Variants in SMG6 observed in about 807,000 individuals in gnomAD.
SMG6 encodes telomerase-binding protein EST1A.
In SMG6, 66 loss-of-function variants were observed where a neutral mutation model predicts 142.2. The ratio of observed to expected loss-of-function variants is 0.46; its 90% CI spans 0.38 to 0.57. The LOEUF (loss-of-function observed/expected upper bound fraction) is 0.57, where lower values mean the gene tolerates loss of function less well. Among genes scored for constraint, SMG6 ranks in the 20% least tolerant of loss-of-function variants. The pLI, the probability that SMG6 is intolerant of heterozygous loss-of-function variation, is 0.00. For missense variants in SMG6, 1,793 were observed against 1,832.0 expected (o/e 0.98, Z 0.39); for synonymous variants, 779 against 702.4 (o/e 1.11, Z -1.72).
At chr17:2,067,628 G>A (rs1049931849) in intron 16 of SMG6, among the ~76,000 whole-genome samples, 1 of 152,144 alleles carries the variant, frequency 6.6e-6, no homozygotes, top group African/African-American at 2.4e-5. Context: ...TTAGGTCTAA[G>A]GGCCTGGATT....
At chr17:2,116,853 A>G (rs2069522282) in intron 13 of SMG6, among the ~76,000 whole-genome samples, 1 of 129,302 alleles carries the variant, frequency 7.7e-6, no homozygotes, top group Admixed American at 7.5e-5. Context: ...AAAAAAAAAC[A>G]CCCTATAAAT....
chr17:2,145,280 A>AT (rs113435292), intron 13 of SMG6, among the ~76,000 whole-genome samples: 1,673 of 136,078 alleles, frequency 0.012, 33 homozygotes, highest in African/African-American at 0.035. Flanking sequence ...CACCCAGCTA[A>AT]TTTTTTTTTT....
chr17:2,144,377 A>T (rs983022318), intron 13 of SMG6, among the ~76,000 whole-genome samples: 6 of 151,784 alleles, frequency 4.0e-5, no homozygotes, highest in African/African-American at 1.5e-4. Context: ...ATTAATTTTT[A>T]AATCTTTTTG....
intron 13 of SMG6, among the ~76,000 whole-genome samples, chr17:2,113,374 C>T (rs2069400603): frequency 6.6e-6 from 1 of 152,178 alleles, no homozygotes; most frequent in Non-Finnish European, 1.5e-5. Context: ...CTATGCTGGG[C>T]CTAAGGCCCA....
intron 13 of SMG6, among the ~76,000 whole-genome samples, chr17:2,130,064 C>T (rs952203934): frequency 4.6e-4 from 69 of 151,218 alleles, no homozygotes; most frequent in African/African-American, 1.6e-3. Context: ...TCAAGACCAT[C>T]CTGGCTAACA....
chr17:2,244,722 G>A lies in SMG6; in HGVS notation c.2662-3C>T, dbSNP rs947573326. 6.2e-7 allele frequency: 1 copy of A among 1,612,856 alleles called. No homozygotes were observed. ...CTGAGGATGAACCTTTTGTTCAGCT[G>A]CATGGGAAAAAGGGAGAGGAGAAAA... On this transcript the variant is annotated splice_polypyrimidine_tract_variant and splice_region_variant and intron_variant, in intron 8 of 18. Transcript: ENST00000263073.
At chr17:2,093,793 A>C (rs2151456774) in intron 13 of SMG6, among the ~76,000 whole-genome samples, 1 of 152,290 alleles carries the variant, frequency 6.6e-6, no homozygotes, top group Admixed American at 6.5e-5. Flanking sequence ...AATTTTTAAA[A>C]ATTGTTTTGT....
chr17:2,155,901 G>C (rs1418897790), intron 13 of SMG6, among the ~76,000 whole-genome samples: 1 of 152,142 alleles, frequency 6.6e-6, no homozygotes, highest in African/African-American at 2.4e-5. Flanking sequence ...TGAATGTATT[G>C]TTATCAGGGG....
At chr17:2,185,877 C>T (rs1194411693) in intron 12 of SMG6, among the ~76,000 whole-genome samples, 1 of 152,092 alleles carries the variant, frequency 6.6e-6, no homozygotes, top group African/African-American at 2.4e-5. Flanking sequence ...CACACGCTGC[C>T]ATGCCAGGAG....
chr17:2,272,973 A>G (rs903719684), intron 8 of SMG6, among the ~76,000 whole-genome samples: 2 of 149,092 alleles, frequency 1.3e-5, no homozygotes, highest in African/African-American at 2.5e-5. Flanking sequence ...TTAGTATCAC[A>G]TTTCTGAGAT....
chr17:2,206,079 G>T (rs1462591544), intron 10 of SMG6, among the ~76,000 whole-genome samples: 1 of 152,106 alleles, frequency 6.6e-6, no homozygotes, highest in Non-Finnish European at 1.5e-5. Flanking sequence ...AAAGTGCTGG[G>T]ATCATAGGCG....
At chr17:2,221,678 G>A (rs1231209) in intron 10 of SMG6, among the ~76,000 whole-genome samples, 56,717 of 152,084 alleles carry the variant, frequency 0.37, 10,909 homozygotes, top group Middle Eastern at 0.44. Context: ...ATTATGAGCA[G>A]TAACCTAGTT....
chr17:2,245,261 A>C (rs1567714084), intron 8 of SMG6, among the ~76,000 whole-genome samples: 1 of 152,214 alleles, frequency 6.6e-6, no homozygotes, highest in Non-Finnish European at 1.5e-5. Context: ...GGAGTTGAAA[A>C]TTCAAGTGTC....
At chr17:2,145,796 T>C (rs1176134618) in intron 13 of SMG6, among the ~76,000 whole-genome samples, 1 of 152,030 alleles carries the variant, frequency 6.6e-6, no homozygotes, top group Non-Finnish European at 1.5e-5. Flanking sequence ...TCATCCATTC[T>C]GAACTCAATT....
rs982240483 is a variant in SMG6 at position 2,065,324 on chromosome 17, G to T, written c.4047+144C>A. On this transcript the variant is annotated intron_variant, in intron 17 of 18. Transcript: ENST00000263073. ...TCTGACTGTGCTACGAGTGACTTAG[G>T]GGAGAAGGAACTCCCCCACCTGGGC... The T allele has an allele frequency of 4.6e-5, 44 of 958,142 alleles. No homozygotes were observed. The East Asian group carries it at 9.0e-4, about 20-fold the overall frequency. The allele number at this position is 958,142 out of a possible 1,614,324, so 59.4% of individuals were successfully genotyped here.
At chr17:2,303,561 G>C (rs908345439) in intron 1 of SMG6, 72 bp downstream of exon 1, 26 of 1,356,436 alleles carry the variant, frequency 1.9e-5, no homozygotes, top group Admixed American at 7.8e-5. Flanking sequence ...GCCGAGCGGG[G>C]AGGAGGCAGA....
At chr17:2,103,778 T>C (rs1045326815) in intron 13 of SMG6, among the ~76,000 whole-genome samples, 2 of 152,150 alleles carry the variant, frequency 1.3e-5, no homozygotes, top group Non-Finnish European at 2.9e-5. Flanking sequence ...TATAGGAGAC[T>C]GAGCACACTC....
intron 18 of SMG6, chr17:2,063,045 G>C (rs76858888): frequency 6.6e-6 from 1 of 152,602 alleles, no homozygotes; most frequent in African/African-American, 2.4e-5. Context: ...GGCTGGGGTG[G>C]TGGTATGCAG....
At chr17:2,295,372 C>CA (rs776781530) in intron 4 of SMG6, among the ~76,000 whole-genome samples, 5 of 152,060 alleles carry the variant, frequency 3.3e-5, no homozygotes, top group Admixed American at 6.6e-5. Flanking sequence ...AAACAAAGAA[C>CA]AAAAAACCTT....
Sources: gnomAD v4.1 joint callset for allele counts (sites outside exome capture counted in the v4.1 genomes callset) on GRCh38, gnomAD v4.1.1 for gene constraint, MANE v1.5 for transcripts, NCBI Gene and HGNC (gene_info 2026-07-23, HGNC 2026-07-21) for gene names.